Variants in C5 observed in about 807,000 individuals in gnomAD.
C5 encodes C3 and PZP-like alpha-2-macroglobulin domain-containing protein 4.
C5 carries 140 observed loss-of-function variants against 218.8 expected under a neutral mutation model. The observed-to-expected ratio is 0.64, with a 90% CI of 0.56 to 0.74. The LOEUF is 0.74. Ranked by LOEUF, C5 falls within the 30% of genes least tolerant of loss-of-function variation. C5 has a pLI of 0.00. For missense variants in C5, 1,700 were observed against 1,969.6 expected (o/e 0.86, Z 2.59); for synonymous variants, 614 against 682.3 (o/e 0.90, Z 1.56).
intron 25 of C5, among the ~76,000 whole-genome samples, chr9:120,983,395 T>C (rs1301976986): frequency 1.3e-5 from 2 of 152,140 alleles, no homozygotes; most frequent in African/African-American, 2.4e-5. Context: ...TCAGAGAGGA[T>C]TGGGTTCATC....
chr9:121,013,801 T>TTA (rs374647474), intron 17 of C5, 72 bp downstream of exon 17: 36 of 1,322,210 alleles, frequency 2.7e-5, no homozygotes, highest in African/African-American at 2.0e-4. Flanking sequence ...GAAAACTGCC[T>TTA]TTCTTAGCAG....
chr9:121,044,367 T>C lies in C5; in HGVS notation c.259-1201A>G, dbSNP rs566682122. ...GTGCACGCCTGTTAATCCCAGCTAC[T>C]TGAGAGGCTGAGGTGGGAGAATTGC... On this transcript the variant is annotated intron_variant, in intron 2 of 40. Coordinates refer to ENST00000223642, the MANE Select transcript of C5 (RefSeq NM_001735.3). Among the ~76,000 whole-genome samples, 7 of 152,178 alleles carry C rather than the reference T, an allele frequency of 4.6e-5. No individual in the cohort carries two copies. The South Asian group carries it at 1.0e-3, about 23-fold the overall frequency.
intron 29 of C5, among the ~76,000 whole-genome samples, chr9:120,975,560 A>G (rs2046947321): frequency 6.6e-6 from 1 of 152,138 alleles, no homozygotes; most frequent in South Asian, 2.1e-4. Context: ...GGGGCGTACC[A>G]CTTTCATAAA....
At chr9:121,074,428 G>T in the C5 span, among the ~76,000 whole-genome samples, 1 of 152,206 alleles carries the variant, frequency 6.6e-6, no homozygotes, top group Non-Finnish European at 1.5e-5. Context: ...AACCTCACGC[G>T]ACAGCTGGAG....
In C5 at chr9:120,959,556, C is replaced by T. The variant is rs143350923; in HGVS notation, c.4678+692G>A. ...TATTACAGGCATGAGCCACTGCGCC[C>T]GGCTCCACCCTTCCAATTTCAAAAT... On this transcript the variant is annotated intron_variant, in intron 38 of 40. Coordinates refer to ENST00000223642, the MANE Select transcript of C5 (RefSeq NM_001735.3). Among the ~76,000 whole-genome samples the T allele has an allele frequency of 4.6e-5, 7 of 152,224 alleles. No homozygotes were observed. The East Asian group carries it at 7.7e-4, about 17-fold the overall frequency.
intron 20 of C5, among the ~76,000 whole-genome samples, chr9:121,004,251 A>G (rs1190799842): frequency 6.6e-6 from 1 of 152,132 alleles, no homozygotes; most frequent in African/African-American, 2.4e-5. Flanking sequence ...TATACTAATA[A>G]TAATATTTGT....
At chr9:121,018,252 C>CAAAAAAAAAAAAAAAAAAAAAA (rs1189613789) in intron 12 of C5, among the ~76,000 whole-genome samples, 1 of 42,204 alleles carries the variant, frequency 2.4e-5, no homozygotes, top group Non-Finnish European at 4.4e-5. Context: ...GACTCTGTCT[C>CAAAAAAAAAAAAAAAAAAAAAA]AAAAAAAAAA....
At chr9:121,007,664 G>A (rs943997994) in intron 18 of C5, among the ~76,000 whole-genome samples, 1 of 152,166 alleles carries the variant, frequency 6.6e-6, no homozygotes, top group African/African-American at 2.4e-5. Context: ...ACATTTTAAT[G>A]TGGAAGACAG....
At chr9:121,008,695 C>T (rs1012093843) in intron 17 of C5, among the ~76,000 whole-genome samples, 197 bp from the exon 18 acceptor site, 5 of 151,944 alleles carry the variant, frequency 3.3e-5, no homozygotes, top group African/African-American at 7.3e-5. Flanking sequence ...TTTGGGAGGC[C>T]GAGGTGGGCA....
At chr9:121,033,013 GGTGTGT>G (rs370287463) in intron 5 of C5, among the ~76,000 whole-genome samples, 1 of 143,072 alleles carries the variant, frequency 7.0e-6, no homozygotes, top group Non-Finnish European at 1.5e-5. Flanking sequence ...AAAAACTATG[GGTGTGT>G]GTGTGTGTGT....
At chr9:121,020,313 C>T in intron 11 of C5, 134 bp from the exon 12 acceptor site, 2 of 727,112 alleles carry the variant, frequency 2.8e-6, no homozygotes, top group Non-Finnish European at 4.8e-6. Context: ...GGAAAAAACC[C>T]TCCATTACTT....
At chr9:121,011,299 C>T (rs1013776807) in intron 17 of C5, among the ~76,000 whole-genome samples, 7 of 152,172 alleles carry the variant, frequency 4.6e-5, no homozygotes, top group Non-Finnish European at 1.0e-4. Context: ...AATAATCCCA[C>T]TTAAAAATGG....
At chr9:121,033,014 G>T (rs2047490019) in intron 5 of C5, among the ~76,000 whole-genome samples, 1 of 123,134 alleles carries the variant, frequency 8.1e-6, no homozygotes, top group African/African-American at 3.9e-5. Context: ...AAAACTATGG[G>T]TGTGTGTGTG....
At chr9:121,058,012 G>C in the C5 span, among the ~76,000 whole-genome samples, 5 of 152,240 alleles carry the variant, frequency 3.3e-5, 1 homozygote, top group East Asian at 5.8e-4. Context: ...CAATTAAGAG[G>C]AAATGCCATA....
At chr9:121,001,682 A>G (rs546418083) in intron 20 of C5, among the ~76,000 whole-genome samples, 1 of 152,310 alleles carries the variant, frequency 6.6e-6, no homozygotes, top group Non-Finnish European at 1.5e-5. Context: ...TGTTCATTGT[A>G]TGAATAAAAG....
Position 121,027,204 on chromosome 9 carries a change from CTTT to C in C5, c.826_828del (p.Lys276del). ...GTTTGCATCATTTCTTTTTGATCAT[CTTT>C]TAAGTCTTCTCTTATTCCAAATGTG... is the stretch of plus-strand genomic sequence containing the variant. On this transcript the variant is annotated inframe_deletion, in exon 8 of 41. Transcript: ENST00000223642. 1 of 1,602,946 alleles carries C rather than the reference CTTT, an allele frequency of 6.2e-7. No individual in the cohort carries two copies. The highest frequency in any genetic ancestry group is 8.5e-7 in the Non-Finnish European group (1 of 1,171,620).
Position 120,997,633 on chromosome 9 carries a change from G to A in C5, c.2704C>T (p.Pro902Ser). The A allele has an allele frequency of 1.2e-6, 2 of 1,614,026 alleles. No individual in the cohort carries two copies. The highest frequency in any genetic ancestry group is 1.7e-6 in the Non-Finnish European group (2 of 1,179,998). Residue 902 changes from proline (P) to serine (S), a missense_variant, in exon 21 of 41, where the codon CCT becomes TCT. Transcript: ENST00000223642. ...ATGTTGTGAAGGCCAATTTCCAGAGGAAGCACAGTGAATGTCACCAAGTGA... is the reference window on the plus strand; with the variant it reads ...ATGTTGTGAAGGCCAATTTCCAGAGAAAGCACAGTGAATGTCACCAAGTGA... ...SSHLVTFTVL[P>S]LEIGLHNINF...
chr9:121,042,310 G>A (rs1175303896), intron 3 of C5, among the ~76,000 whole-genome samples: 1 of 152,170 alleles, frequency 6.6e-6, no homozygotes, highest in African/African-American at 2.4e-5. Flanking sequence ...ACATGATTTT[G>A]ATTGGCTATT....
intron 9 of C5, 35 bp downstream of exon 9, chr9:121,025,419 T>TAC (rs1173632890): frequency 0.022 from 31,444 of 1,418,228 alleles, 116 homozygotes; most frequent in African/African-American, 0.058. Flanking sequence ...AAAGAAAGTA[T>TAC]ACACACACAC....
Sources: gnomAD v4.1 joint callset for allele counts (sites outside exome capture counted in the v4.1 genomes callset) on GRCh38, gnomAD v4.1.1 for gene constraint, MANE v1.5 for transcripts, NCBI Gene and HGNC (gene_info 2026-07-23, HGNC 2026-07-21) for gene names.